Variants in TANC2 observed in about 807,000 individuals in gnomAD.
TANC2 encodes protein TANC2.
A neutral mutation model predicts 210.5 loss-of-function variants in TANC2; 26 were observed. The ratio of observed to expected loss-of-function variants is 0.12; its 90% CI spans 0.09 to 0.17. The LOEUF (loss-of-function observed/expected upper bound fraction) is 0.17, where lower values mean the gene tolerates loss of function less well. TANC2 is among the 10% of genes least tolerant of loss of function. The pLI is 1.00. For synonymous variants in TANC2, 931 were observed against 967.1 expected (o/e 0.96, Z 0.69); for missense variants, 2,129 against 2,608.9 (o/e 0.82, Z 4.01).
At chr17:63,223,586 GTATA>G (rs10616371) in intron 7 of TANC2, among the ~76,000 whole-genome samples, 6 of 149,374 alleles carry the variant, frequency 4.0e-5, no homozygotes, top group Admixed American at 6.7e-5. Context: ...TATATATAGT[GTATA>G]TATATATATA....
chr17:63,389,277 C>G (rs376793743), intron 16 of TANC2, 31 bp from the exon 17 acceptor site: 36 of 1,547,018 alleles, frequency 2.3e-5, no homozygotes, highest in Non-Finnish European at 2.8e-5. Flanking sequence ...TCCTGTTTGT[C>G]TAATTATTAG....
chr17:63,420,616 G>T lies in TANC2; in HGVS notation c.4886G>T (p.Ser1629Ile). Reference sequence around the variant, plus strand: ...CGGAGAGGCCCTCAGTATCGGGCCAGCCCTCCAGCTGAAAGTATGAGTGTC... The same window carrying T: ...CGGAGAGGCCCTCAGTATCGGGCCATCCCTCCAGCTGAAAGTATGAGTGTC... Residue 1629 changes from serine (S) to isoleucine (I), a missense_variant, in exon 28 of 28, where the codon AGC (serine) becomes ATC (isoleucine). Coordinates refer to ENST00000689528, the Ensembl canonical transcript of TANC2. This position sits in a 1 kb window ranked among gnomAD's most constrained non-coding sequence, Gnocchi z 4.2. The T allele has an allele frequency of 6.2e-7, 1 of 1,613,920 alleles. No homozygotes were observed. The highest frequency in any genetic ancestry group is 8.5e-7 in the Non-Finnish European group (1 of 1,179,832).
In TANC2 at chr17:63,322,223, A is replaced by AG. The variant is rs200948156; in HGVS notation, c.1575+3134dup. Among the ~76,000 whole-genome samples, 1,357 of 152,220 alleles carry AG rather than the reference A, an allele frequency of 8.9e-3. 11 individuals are homozygous for AG. The highest frequency in any genetic ancestry group is 0.011 in the Non-Finnish European group (780 of 68,000). The stretch of plus-strand genomic sequence containing the variant: ...GTAAACGGTCTCTATCCTCTTCTTT[A>AG]GAACAGTTAGAATCCCTGTAATCCC... On this transcript the variant is annotated intron_variant, in intron 11 of 27. Transcript: ENST00000689528.
intron 5 of TANC2, among the ~76,000 whole-genome samples, chr17:63,174,960 A>G (rs570184529): frequency 6.6e-6 from 1 of 152,212 alleles, no homozygotes. Context: ...AATTATAAAT[A>G]AACATTGTTA....
chr17:63,189,606 T>C (rs2041118209), intron 5 of TANC2, among the ~76,000 whole-genome samples: 1 of 152,330 alleles, frequency 6.6e-6, no homozygotes, highest in Middle Eastern at 3.4e-3. Context: ...ATTCATTTAT[T>C]TGCCTTTTTA....
chr17:63,244,231 A>G (rs2042855079), intron 8 of TANC2, among the ~76,000 whole-genome samples: 1 of 152,150 alleles, frequency 6.6e-6, no homozygotes, highest in South Asian at 2.1e-4. Context: ...ATCACCCCAG[A>G]AAACTGTTGC....
At position 63,128,373 on chromosome 17, in the gene TANC2, C is replaced by T. The variant is rs539192196; in HGVS notation, c.323-22897C>T. Among the ~76,000 whole-genome samples, 14 of 152,230 alleles carry T rather than the reference C, an allele frequency of 9.2e-5. No individual in the cohort carries two copies. The East Asian group carries it at 9.7e-4, about 11-fold the overall frequency. ...GCCCCACAAATGTATATGCCTACTG[C>T]GTACCCCCAAAAATTAAAAATAAAT... is the stretch of plus-strand genomic sequence containing the variant. On this transcript the variant is annotated intron_variant, in intron 4 of 27. Coordinates refer to ENST00000689528, the Ensembl canonical transcript of TANC2.
At chr17:63,168,649 A>G (rs546184499) in intron 5 of TANC2, among the ~76,000 whole-genome samples, 8 of 152,326 alleles carry the variant, frequency 5.3e-5, no homozygotes, top group Non-Finnish European at 1.2e-4. Context: ...ATACTTTATC[A>G]TGTCCTATAA....
chr17:63,111,964 T>C (rs1476697170), intron 4 of TANC2, among the ~76,000 whole-genome samples: 1 of 152,154 alleles, frequency 6.6e-6, no homozygotes, highest in African/African-American at 2.4e-5. Context: ...GACCTTGTGA[T>C]CCGCCCGCCT....
chr17:63,256,863 G>T (rs1032208595), intron 8 of TANC2, among the ~76,000 whole-genome samples: 2 of 152,094 alleles, frequency 1.3e-5, no homozygotes, highest in African/African-American at 4.8e-5. Flanking sequence ...ATTATGTAGT[G>T]ACTTTCTTTG....
At chr17:63,342,300 T>G (rs575755701) in intron 12 of TANC2, among the ~76,000 whole-genome samples, 46 of 152,278 alleles carry the variant, frequency 3.0e-4, no homozygotes, top group Non-Finnish European at 5.0e-4. Context: ...ACTTTTGTAC[T>G]TATCCCTTTG....
chr17:63,021,208 G>A (rs796196169), intron 2 of TANC2, among the ~76,000 whole-genome samples: 1 of 152,250 alleles, frequency 6.6e-6, no homozygotes, highest in African/African-American at 2.4e-5. Flanking sequence ...CGATGTATGT[G>A]CAATAGTATG....
chr17:63,418,438 A>T lies in TANC2; in HGVS notation c.4268+31A>T, dbSNP rs2048931476. On this transcript the variant is annotated intron_variant, in intron 27 of 27. Coordinates refer to ENST00000689528, the Ensembl canonical transcript of TANC2. This position sits in a 1 kb window ranked among gnomAD's most constrained non-coding sequence, Gnocchi z 4.6. The stretch of plus-strand genomic sequence containing the variant: ...GAGAGAGAGAGAGGGTGAAAGCAAG[A>T]GGTCTCTTTTCTGAAAATTTGGCCA... 6.3e-7 allele frequency: 1 copy of T among 1,590,870 alleles called. No individual in the cohort carries two copies. Among genetic ancestry groups the T allele is most frequent in the African/African-American group, 1.3e-5 (1 of 74,412 alleles).
chr17:63,251,115 G>T (rs2043043423), intron 8 of TANC2, among the ~76,000 whole-genome samples: 1 of 152,136 alleles, frequency 6.6e-6, no homozygotes, highest in Non-Finnish European at 1.5e-5. Flanking sequence ...GATGAATTGG[G>T]CATTTCTTTC....
chr17:63,000,781 G>A (rs980013453), intron 1 of TANC2, among the ~76,000 whole-genome samples: 1 of 152,054 alleles, frequency 6.6e-6, no homozygotes, highest in African/African-American at 2.4e-5. Context: ...GTGTCAATTA[G>A]ACCAAACTGC....
At chr17:63,098,915 T>C (rs2037516579) in intron 3 of TANC2, among the ~76,000 whole-genome samples, 3 of 152,162 alleles carry the variant, frequency 2.0e-5, no homozygotes, top group Non-Finnish European at 4.4e-5. Context: ...TATTTTCTTG[T>C]ATTTCCTTAT....
intron 5 of TANC2, among the ~76,000 whole-genome samples, chr17:63,177,003 C>T (rs2040608267): frequency 6.6e-6 from 1 of 151,794 alleles, no homozygotes; most frequent in Admixed American, 6.6e-5. Context: ...GTGGCTCACA[C>T]CTGTAATCCC....
intron 1 of TANC2, among the ~76,000 whole-genome samples, chr17:62,968,849 A>C (rs528503866): frequency 6.6e-6 from 1 of 152,242 alleles, no homozygotes; most frequent in South Asian, 2.1e-4. Flanking sequence ...GTAGCATTTG[A>C]TGTTAGGAAT....
chr17:63,349,584 C>G (rs1216934925), intron 12 of TANC2, among the ~76,000 whole-genome samples: 1 of 152,170 alleles, frequency 6.6e-6, no homozygotes, highest in Non-Finnish European at 1.5e-5. Context: ...CCACCATACA[C>G]AATTCCAAGC....
Sources: allele counts gnomAD v4.1 joint callset (sites outside exome capture counted in the v4.1 genomes callset), GRCh38; gene constraint gnomAD v4.1.1; non-coding constraint Gnocchi (gnomAD v3.1); transcripts MANE v1.5; gene names NCBI Gene and HGNC (gene_info 2026-07-23, HGNC 2026-07-21).